Variants in GALNT13 observed in about 807,000 individuals in gnomAD.
GALNT13 encodes polypeptide N-acetylgalactosaminyltransferase 13.
GALNT13 carries 28 observed loss-of-function variants against 64.2 expected under a neutral mutation model. The ratio of observed to expected loss-of-function variants is 0.44; its 90% confidence interval spans 0.32 to 0.60. The LOEUF is 0.60. GALNT13 is among the 20% of genes least tolerant of loss of function. The pLI, the probability that GALNT13 is intolerant of heterozygous loss-of-function variation, is 0.05. For synonymous variants in GALNT13, 214 were observed against 224.6 expected (o/e 0.95, Z 0.42); for missense variants, 577 against 669.8 (o/e 0.86, Z 1.53).
At chr2:154,384,772 G>A (rs1385218642) in intron 9 of GALNT13, among the ~76,000 whole-genome samples, 3 of 151,834 alleles carry the variant, frequency 2.0e-5, no homozygotes, top group Non-Finnish European at 4.4e-5. Context: ...GACAATCCAG[G>A]CTATCTTAAA....
At chr2:153,436,165 C>G in the GALNT13 span, among the ~76,000 whole-genome samples, 1 of 152,216 alleles carries the variant, frequency 6.6e-6, no homozygotes, top group South Asian at 2.1e-4. Context: ...GCCTTGCATC[C>G]CAGGGATGAA....
the GALNT13 span, among the ~76,000 whole-genome samples, chr2:153,222,951 C>T: frequency 1.3e-5 from 2 of 152,156 alleles, no homozygotes; most frequent in African/African-American, 2.4e-5. Context: ...AAGTGAGAGG[C>T]TCCTCCTGCC....
the GALNT13 span, among the ~76,000 whole-genome samples, chr2:153,393,205 A>G: frequency 2.9e-4 from 44 of 152,142 alleles, 1 homozygote; most frequent in Middle Eastern, 3.4e-3. Context: ...CCAGCTTCTC[A>G]TTAGACCAAT....
chr2:153,569,768 C>T, the GALNT13 span, among the ~76,000 whole-genome samples: 1 of 152,052 alleles, frequency 6.6e-6, no homozygotes, highest in South Asian at 2.1e-4. Flanking sequence ...GTTATATTAT[C>T]AAATAGTAGG....
chr2:154,243,123 AT>A (rs1337675966), intron 6 of GALNT13, among the ~76,000 whole-genome samples: 1 of 152,246 alleles, frequency 6.6e-6, no homozygotes, highest in East Asian at 1.9e-4. Flanking sequence ...AATTCAAATA[AT>A]AAAAACGTGT....
At chr2:153,549,637 G>A in the GALNT13 span, among the ~76,000 whole-genome samples, 1 of 152,132 alleles carries the variant, frequency 6.6e-6, no homozygotes, top group Non-Finnish European at 1.5e-5. Context: ...CAGTGTCAGA[G>A]GCCAAATACA....
chr2:153,279,575 G>A, the GALNT13 span, among the ~76,000 whole-genome samples: 1 of 93,374 alleles, frequency 1.1e-5, no homozygotes, highest in Non-Finnish European at 2.3e-5. Flanking sequence ...ATGAAGAAAT[G>A]TTGGATTTTA....
chr2:153,727,619 C>G, the GALNT13 span, among the ~76,000 whole-genome samples: 3 of 152,146 alleles, frequency 2.0e-5, no homozygotes, highest in Non-Finnish European at 4.4e-5. Flanking sequence ...TAGCCTAACA[C>G]TGGATATTTT....
the GALNT13 span, among the ~76,000 whole-genome samples, chr2:153,547,907 T>C: frequency 6.6e-6 from 1 of 152,120 alleles, no homozygotes; most frequent in Admixed American, 6.6e-5. Flanking sequence ...TATCCATAAG[T>C]GGGGCAAAAA....
chr2:153,606,391 T>C, the GALNT13 span, among the ~76,000 whole-genome samples: 1 of 152,080 alleles, frequency 6.6e-6, no homozygotes, highest in Non-Finnish European at 1.5e-5. Context: ...TAAACAAAGA[T>C]TGTCCAATCT....
intron 3 of GALNT13, among the ~76,000 whole-genome samples, chr2:153,995,413 A>G (rs769614284): frequency 6.6e-6 from 1 of 152,194 alleles, no homozygotes; most frequent in Non-Finnish European, 1.5e-5. Flanking sequence ...GAAGGGTTGT[A>G]TGTAAATTAA....
the GALNT13 span, among the ~76,000 whole-genome samples, chr2:153,674,891 T>A: frequency 6.6e-6 from 1 of 152,102 alleles, no homozygotes; most frequent in Non-Finnish European, 1.5e-5. Flanking sequence ...GCGAAGGATA[T>A]GAACAGACAC....
the GALNT13 span, among the ~76,000 whole-genome samples, chr2:153,305,974 G>T: frequency 1.3e-5 from 2 of 152,208 alleles, no homozygotes; most frequent in Non-Finnish European, 2.9e-5. Context: ...GCAAACGTTG[G>T]AATGGTCACT....
intron 9 of GALNT13, among the ~76,000 whole-genome samples, chr2:154,388,885 T>C (rs1698643854): frequency 6.6e-6 from 1 of 152,202 alleles, no homozygotes; most frequent in South Asian, 2.1e-4. Flanking sequence ...ATCATTAATA[T>C]GACATACATA....
At chr2:153,299,334 A>G in the GALNT13 span, among the ~76,000 whole-genome samples, 5 of 152,180 alleles carry the variant, frequency 3.3e-5, no homozygotes, top group Non-Finnish European at 7.3e-5. Context: ...GAAACAACAC[A>G]CTCAAACTAG....
At chr2:153,595,027 A>T in the GALNT13 span, among the ~76,000 whole-genome samples, 1 of 152,134 alleles carries the variant, frequency 6.6e-6, no homozygotes, top group African/African-American at 2.4e-5. Context: ...TTACAAAAAT[A>T]AATCTTGGAT....
At chr2:153,912,965 G>A (rs892709707) in intron 2 of GALNT13, among the ~76,000 whole-genome samples, 1 of 152,184 alleles carries the variant, frequency 6.6e-6, no homozygotes, top group African/African-American at 2.4e-5. Flanking sequence ...TGGGTGCTGG[G>A]TAGCCAGCAG....
the GALNT13 span, among the ~76,000 whole-genome samples, chr2:153,548,170 G>C: frequency 6.6e-6 from 1 of 152,094 alleles, no homozygotes; most frequent in Non-Finnish European, 1.5e-5. Flanking sequence ...AAGTCCTTGG[G>C]GAACTTGTTA....
chr2:154,448,686 T>C (rs1395023651), intron 12 of GALNT13, among the ~76,000 whole-genome samples: 1 of 152,054 alleles, frequency 6.6e-6, no homozygotes, highest in East Asian at 1.9e-4. Flanking sequence ...TGACAACATC[T>C]ATTCAACATG....
Sources: gnomAD v4.1 joint callset for allele counts (sites outside exome capture counted in the v4.1 genomes callset) on GRCh38, gnomAD v4.1.1 for gene constraint, MANE v1.5 for transcripts, NCBI Gene and HGNC (gene_info 2026-07-23, HGNC 2026-07-21) for gene names.